The following FOXK1 variants were observed in gnomAD, a reference collection of about 807,000 sequenced individuals.
The protein encoded by FOXK1 is forkhead box K1.
In FOXK1, 19 loss-of-function variants were observed where a neutral mutation model predicts 51.9. The ratio of observed to expected loss-of-function variants is 0.37; its 90% CI spans 0.26 to 0.54. The LOEUF (loss-of-function observed/expected upper bound fraction) is 0.54, where lower values mean the gene tolerates loss of function less well. Among genes scored for constraint, FOXK1 ranks in the 20% least tolerant of loss-of-function variants. The probability of loss-of-function intolerance (pLI) is 0.87; values close to 1 mark genes in which losing one functional copy is unlikely to be tolerated. For missense variants in FOXK1, 870 were observed against 1,032.7 expected (o/e 0.84, Z 2.16); for synonymous variants, 537 against 482.6 (o/e 1.11, Z -1.48).
intron 1 of FOXK1, among the ~76,000 whole-genome samples, chr7:4,726,159 TG>T (rs979076641): frequency 7.2e-5 from 11 of 152,250 alleles, no homozygotes; most frequent in African/African-American, 2.6e-4. Context: ...ACTTTGAATT[TG>T]GATAGGAATG....
intron 1 of FOXK1, among the ~76,000 whole-genome samples, chr7:4,684,876 G>T (rs530528975): frequency 6.6e-6 from 1 of 151,830 alleles, no homozygotes; most frequent in South Asian, 2.1e-4. Flanking sequence ...ACCTCAGATC[G>T]TCTACGAATA....
intron 1 of FOXK1, among the ~76,000 whole-genome samples, chr7:4,687,027 G>A (rs1344652666): frequency 2.6e-5 from 4 of 151,724 alleles, no homozygotes; most frequent in African/African-American, 9.7e-5. Context: ...CCGCCTCCCG[G>A]GTTCACACCA....
chr7:4,706,591 C>G (rs902530834), intron 1 of FOXK1, among the ~76,000 whole-genome samples: 2 of 152,214 alleles, frequency 1.3e-5, no homozygotes, highest in Admixed American at 1.3e-4. Context: ...GGGCAGAATC[C>G]TGACACCCAC....
At chr7:4,721,214 A>G (rs536819659) in intron 1 of FOXK1, among the ~76,000 whole-genome samples, 3 of 152,190 alleles carry the variant, frequency 2.0e-5, no homozygotes, top group Non-Finnish European at 4.4e-5. Context: ...AGCAGCTCAG[A>G]CTGGAGCTTG....
rs1338885591 is a variant in FOXK1 at position 4,762,004 on chromosome 7, TGAG to T, written c.1922-178_1922-176del. ...CTGGAGCCAGCAGAGACAGGGCAGA[TGAG>T]GTGGGGAGGGGACGGCAGGGCCCGC... On this transcript the variant is annotated intron_variant, in intron 8 of 8. Transcript: ENST00000328914. This position sits in a 1 kb window ranked among gnomAD's most constrained non-coding sequence, Gnocchi z 5.7. Among the ~76,000 whole-genome samples the T allele has an allele frequency of 1.3e-5, 2 of 151,768 alleles. No individual in the cohort carries two copies. Among genetic ancestry groups the T allele is most frequent in the East Asian group, 3.9e-4 (2 of 5,144 alleles).
intron 1 of FOXK1, among the ~76,000 whole-genome samples, chr7:4,710,110 GA>G (rs1780156190): frequency 6.6e-6 from 1 of 152,244 alleles, no homozygotes; most frequent in Non-Finnish European, 1.5e-5. Flanking sequence ...TCATCTGAAT[GA>G]GAAGGTTGGC....
In FOXK1 at chr7:4,737,123, G is replaced by C. The variant is rs574937931; in HGVS notation, c.561-3715G>C. Among the ~76,000 whole-genome samples, 8 of 152,164 alleles carry C rather than the reference G, an allele frequency of 5.3e-5. No individual in the cohort carries two copies. In the East Asian group the frequency reaches 1.4e-3, roughly 26 times the overall value. Reference sequence around the variant, plus strand: ...CTTCATGTCTTAATATCCAAACCCCGATCTCCAGGATCCCCTTCTTCTTGT... The same window carrying C: ...CTTCATGTCTTAATATCCAAACCCCCATCTCCAGGATCCCCTTCTTCTTGT... On this transcript the variant is annotated intron_variant, in intron 1 of 8. Coordinates refer to ENST00000328914, the MANE Select transcript of FOXK1 (RefSeq NM_001037165.2).
At chr7:4,695,531 G>A (rs1237516646) in intron 1 of FOXK1, among the ~76,000 whole-genome samples, 5 of 152,212 alleles carry the variant, frequency 3.3e-5, no homozygotes, top group South Asian at 2.1e-4. Flanking sequence ...AAGGCGGGGC[G>A]CGGTGGCTCA....
intron 1 of FOXK1, among the ~76,000 whole-genome samples, chr7:4,721,467 G>T (rs866479639): frequency 1.3e-5 from 2 of 152,148 alleles, no homozygotes; most frequent in South Asian, 2.1e-4. Context: ...TCGGCTGTCA[G>T]TTAACTTCAG....
At chr7:4,742,435 G>A (rs1465773549) in intron 2 of FOXK1, among the ~76,000 whole-genome samples, 1 of 152,092 alleles carries the variant, frequency 6.6e-6, no homozygotes. Flanking sequence ...TTGTATTTCA[G>A]AGACAGCGTC....
rs1377264340 is a variant in FOXK1, at chr7:4,733,636, G to C, written c.561-7202G>C. ...CCATGTTTGCTATAGAAGCAGGAGAGAAGGTGCTCTGGGAACTACAGCCTC... is the reference window on the plus strand; with the variant it reads ...CCATGTTTGCTATAGAAGCAGGAGACAAGGTGCTCTGGGAACTACAGCCTC... On this transcript the variant is annotated intron_variant, in intron 1 of 8. Coordinates refer to ENST00000328914, the MANE Select transcript of FOXK1 (RefSeq NM_001037165.2). The surrounding 1 kb of genome is among the most constrained non-coding windows in gnomAD (Gnocchi z 5.0). Among the ~76,000 whole-genome samples, 3 of 152,358 alleles carry C rather than the reference G, an allele frequency of 2.0e-5. No homozygotes were observed. The South Asian group carries it at 6.2e-4, about 32-fold the overall frequency.
chr7:4,704,450 CA>C (rs3050383), intron 1 of FOXK1, among the ~76,000 whole-genome samples: 1,464 of 66,432 alleles, frequency 0.022, 18 homozygotes, highest in African/African-American at 0.065. Context: ...GACTCTGTCT[CA>C]AAAAAAAAAA....
intron 1 of FOXK1, among the ~76,000 whole-genome samples, chr7:4,720,692 C>T (rs74976863): frequency 0.01 from 1,500 of 149,178 alleles, 22 homozygotes; most frequent in African/African-American, 0.035. Context: ...TTGTATGCTG[C>T]GTGCCTAGCT....
chr7:4,710,732 G>A (rs899297102), intron 1 of FOXK1, among the ~76,000 whole-genome samples: 24 of 152,248 alleles, frequency 1.6e-4, no homozygotes, highest in African/African-American at 5.3e-4. Context: ...GGGTGCGGTG[G>A]TGGCTCTGCA....
intron 1 of FOXK1, among the ~76,000 whole-genome samples, chr7:4,710,619 G>A (rs1780162346): frequency 6.6e-6 from 1 of 152,184 alleles, no homozygotes; most frequent in Non-Finnish European, 1.5e-5. Flanking sequence ...AAATAGCTGT[G>A]TATTTTGGAG....
intron 5 of FOXK1, among the ~76,000 whole-genome samples, chr7:4,757,544 C>T (rs1378630025): frequency 2.1e-5 from 3 of 141,444 alleles, no homozygotes; most frequent in Non-Finnish European, 4.5e-5. Flanking sequence ...GTAGGAGAAT[C>T]GCTTGAATCT....
At chr7:4,732,399 C>T (rs749120850) in intron 1 of FOXK1, among the ~76,000 whole-genome samples, 3 of 152,242 alleles carry the variant, frequency 2.0e-5, no homozygotes, top group Non-Finnish European at 4.4e-5. Flanking sequence ...CTCAAGCCAT[C>T]TTCCCTCCTC....
At chr7:4,721,094 C>T (rs75176331) in intron 1 of FOXK1, among the ~76,000 whole-genome samples, 1 of 152,194 alleles carries the variant, frequency 6.6e-6, no homozygotes, top group Non-Finnish European at 1.5e-5. Flanking sequence ...CCCTTTCTTG[C>T]TTTACTCTGT....
At chr7:4,687,089 T>C (rs866690023) in intron 1 of FOXK1, among the ~76,000 whole-genome samples, 3 of 151,158 alleles carry the variant, frequency 2.0e-5, no homozygotes, top group Admixed American at 6.6e-5. Flanking sequence ...CCTGCCAGCA[T>C]GCCCAGCTAA....
Sources: gnomAD v4.1 joint callset for allele counts (sites outside exome capture counted in the v4.1 genomes callset) on GRCh38, gnomAD v4.1.1 for gene constraint, Gnocchi (gnomAD v3.1) non-coding constraint, MANE v1.5 for transcripts, NCBI Gene and HGNC (gene_info 2026-07-23, HGNC 2026-07-21) for gene names.